MUC5AC: variants seen among roughly 807,000 people sequenced by gnomAD.
MUC5AC encodes mucin-5AC.
A neutral mutation model predicts 169.7 loss-of-function variants in MUC5AC; 158 were observed. The observed-to-expected ratio is 0.93, with a 90% CI of 0.82 to 1.06. The LOEUF (loss-of-function observed/expected upper bound fraction) is 1.06. Among genes scored for constraint, MUC5AC ranks in the 50% least tolerant of loss-of-function variants. The probability of loss-of-function intolerance (pLI) is 0.00; values close to 1 mark genes in which losing one functional copy is unlikely to be tolerated. For synonymous variants in MUC5AC, 1,975 were observed against 1,237.0 expected (o/e 1.60, Z -12.52); for missense variants, 4,359 against 3,089.9 (o/e 1.41, Z -9.74).
intron 15 of MUC5AC, among the ~76,000 whole-genome samples, chr11:1,169,869 C>T (rs1403846791): frequency 5.8e-4 from 75 of 129,862 alleles, no homozygotes; most frequent in Non-Finnish European, 7.6e-4. Context: ...CATTCACCCA[C>T]TCACCCACTC....
chr11:1,180,952 G>A (rs1408949887), intron 28 of MUC5AC, among the ~76,000 whole-genome samples, 187 bp from the exon 29 acceptor site: 1 of 152,140 alleles, frequency 6.6e-6, no homozygotes, highest in Non-Finnish European at 1.5e-5. Context: ...GGCTGACGCT[G>A]GAGAGACAAC....
chr11:1,196,023 C>T lies in MUC5AC; in HGVS notation c.15606C>T (p.Ile5202=), dbSNP rs1414593214. The change falls in exon 37 of 49, where the codon ATC becomes ATT. Residue 5202 remains isoleucine (I), a synonymous_variant. Coordinates refer to ENST00000621226, the MANE Select transcript of MUC5AC (RefSeq NM_001304359.2). ...TCTGTGCGTCCCACGACATCTGCATCGATTGGAGAGGCCGGACCGGCCACA... is the reference window on the plus strand; with the variant it reads ...TCTGTGCGTCCCACGACATCTGCATTGATTGGAGAGGCCGGACCGGCCACA... ...AALCASHDIC[I]DWRGRTGHMC... 6.5e-6 allele frequency: 5 copies of T among 764,846 alleles called. No homozygotes were observed. The highest frequency in any genetic ancestry group is 1.7e-5 in the Admixed American group (1 of 59,014). The allele number at this position is 764,846 out of a possible 1,614,324, so 47.4% of individuals were successfully genotyped here. A position where few individuals can be genotyped will look rare whatever the true frequency, so the allele number is the denominator to read the frequency against.
At chr11:1,179,916 G>A in intron 26 of MUC5AC, 106 bp from the exon 27 acceptor site, 1 of 397,710 alleles carries the variant, frequency 2.5e-6, no homozygotes, top group Admixed American at 4.4e-5. Flanking sequence ...TCTTGTGATG[G>A]CCGGGAGGTG....
At chr11:1,158,177 C>A in intron 1 of MUC5AC, 105 bp downstream of exon 1, 1 of 1,003,994 alleles carries the variant, frequency 1.0e-6, no homozygotes, top group African/African-American at 1.6e-5. Flanking sequence ...GCTGCATGTG[C>A]CATGAACGGC....
In MUC5AC at chr11:1,168,996, G is replaced by A. The variant is rs771147684; in HGVS notation, c.1840G>A (p.Glu614Lys). ...AACPNIRNSF[E>K]DPCSLSVENE... is the part of the protein sequence containing the mutation. ...CTGCCCCAACATCAGGAACAGCTTC[G>A]AGGACCCCTGCTCTCTGAGCGTGGA... The change falls in exon 15 of 49, where the codon GAG becomes AAG. Residue 614 changes from glutamate to lysine, a missense_variant. Coordinates refer to ENST00000621226, the MANE Select transcript of MUC5AC (RefSeq NM_001304359.2). 20 of 1,606,114 alleles carry A rather than the reference G, an allele frequency of 1.2e-5. No individual in the cohort carries two copies. Among genetic ancestry groups the A allele is most frequent in the East Asian group, 2.2e-5 (1 of 44,782 alleles).
chr11:1,168,814 C>A (rs1860408802), intron 14 of MUC5AC, 35 bp downstream of exon 14: 2 of 1,580,388 alleles, frequency 1.3e-6, no homozygotes, highest in South Asian at 1.1e-5. Flanking sequence ...GGAGCCCACC[C>A]ACTCTGGCCA....
chr11:1,195,628 C>T lies in MUC5AC; in HGVS notation c.15459-248C>T, dbSNP rs557059221. ...AGCTTCCAGGTTTGCAGGGCAGGGG[C>T]TGGGGGGGCCAGGAAGAAGAACTTG... is the stretch of plus-strand genomic sequence containing the variant. On this transcript the variant is annotated intron_variant, in intron 36 of 48. Transcript: ENST00000621226. Among the ~76,000 whole-genome samples, 353 of 140,432 alleles carry T rather than the reference C, an allele frequency of 2.5e-3. 1 individual carries two copies. The highest frequency in any genetic ancestry group is 9.3e-3 in the African/African-American group (325 of 34,958). 92.1% of individuals were successfully genotyped at this position (140,432 alleles called of 152,430 possible).
At position 1,195,090 on chromosome 11, in the gene MUC5AC, G is replaced by C. The variant is rs760982188; in HGVS notation, c.15269G>C (p.Gly5090Ala). Residue 5090 changes from glycine (G) to alanine (A), a missense_variant, in exon 36 of 49, where the codon GGC (glycine) becomes GCC (alanine). By Grantham distance (60) the Gly-to-Ala change is moderately conservative (BLOSUM62 0). Transcript: ENST00000621226. ...TVVASCSEMS[G>A]LWNVSIPDQP... ...GTCGCTTCCTGCTCCGAGATGTCCG[G>C]CCTCTGGAACGTGAGCATACCCGAC... 4 of 761,850 alleles carry C rather than the reference G, an allele frequency of 5.3e-6. No individual in the cohort carries two copies. Among genetic ancestry groups the C allele is most frequent in the Non-Finnish European group, 9.6e-6 (4 of 416,748 alleles). 47.2% of individuals were successfully genotyped at this position (761,850 alleles called of 1,614,324 possible). A position where few individuals can be genotyped will look rare whatever the true frequency, so the allele number is the denominator to read the frequency against.
Position 1,165,574 on chromosome 11 carries a change from C to T in MUC5AC, c.1248-48C>T, listed in dbSNP as rs56144338. On this transcript the variant is annotated intron_variant, in intron 10 of 48. Coordinates refer to ENST00000621226, the MANE Select transcript of MUC5AC (RefSeq NM_001304359.2). ...AGCCTCCTGACGCGGAGGCTGGAGG[C>T]TGGTCTCCTGGGGCCGGCACCCACG... The T allele has an allele frequency of 1.9e-3, 3,019 of 1,606,784 alleles. 46 individuals carry two copies. In the African/African-American group the frequency reaches 0.035, roughly 19 times the overall value.
At chr11:1,197,848 C>T in intron 41 of MUC5AC, 55 bp from the exon 42 acceptor site, 1 of 684,964 alleles carries the variant, frequency 1.5e-6, no homozygotes, top group Non-Finnish European at 2.7e-6. Context: ...AGGGGGTGGG[C>T]CTTCGGGTGG....
chr11:1,163,989 T>G lies in MUC5AC; in HGVS notation c.787T>G (p.Phe263Val). ...ACCCCCGAGGAACTGCTCCACTGGC[T>G]TTGTAAGCCTTGGAGGGAACAGAGG... ...PEPPRNCSTG[F>V]GICEELLHGQ... Residue 263 changes from phenylalanine (F) to valine (V), a missense_variant and splice_region_variant, in exon 7 of 49, where the codon TTT becomes GTT. Coordinates refer to ENST00000621226, the MANE Select transcript of MUC5AC (RefSeq NM_001304359.2). 3 of 1,610,320 alleles carry G rather than the reference T, an allele frequency of 1.9e-6. No individual in the cohort carries two copies. Among genetic ancestry groups the G allele is most frequent in the Non-Finnish European group, 2.5e-6 (3 of 1,178,834 alleles).
chr11:1,195,902 TC>T lies in MUC5AC; in HGVS notation c.15491del (p.Pro5164HisfsTer15). The part of the protein sequence containing the change: ...SKVFEPCHTV[I>X]PPLLFYEGCV... ...GTCTTTGAGCCGTGCCACACTGTGA[TC>T]CCCCCACTGCTGTTCTATGAGGGCT... is the stretch of plus-strand genomic sequence containing the variant. On this transcript the variant is annotated frameshift_variant, in exon 37 of 49. Transcript: ENST00000621226. LOFTEE classifies it high-confidence loss of function. 1 of 764,472 alleles carries T rather than the reference TC, an allele frequency of 1.3e-6. No homozygotes were observed. The highest frequency in any genetic ancestry group is 1.3e-5 in the South Asian group (1 of 74,606). 47.4% of individuals were successfully genotyped at this position (764,472 alleles called of 1,614,324 possible). A position where few individuals can be genotyped will look rare whatever the true frequency, so the allele number is the denominator to read the frequency against.
intron 26 of MUC5AC, 36 bp downstream of exon 26, chr11:1,179,284 G>GCT: frequency 2.0e-6 from 1 of 506,182 alleles, no homozygotes; most frequent in East Asian, 3.1e-5. Flanking sequence ...AGAACAGGAA[G>GCT]CGCCGGCAGC....
chr11:1,180,527 TG>T lies in MUC5AC; in HGVS notation c.3776+17del. ...GAACTGCCAGTCCTGGTGAGTCCTT[TG>T]GGGGGAGGAATATGGAGCCTGCAGC... On this transcript the variant is annotated intron_variant, in intron 28 of 48. Coordinates refer to ENST00000621226, the MANE Select transcript of MUC5AC (RefSeq NM_001304359.2). 3 of 398,648 alleles carry T rather than the reference TG, an allele frequency of 7.5e-6. No individual in the cohort carries two copies. Among genetic ancestry groups the T allele is most frequent in the Non-Finnish European group, 1.3e-5 (3 of 226,116 alleles). 24.7% of individuals were successfully genotyped at this position (398,648 alleles called of 1,614,324 possible). A position where few individuals can be genotyped will look rare whatever the true frequency, so the allele number is the denominator to read the frequency against.
At position 1,198,912 on chromosome 11, in the gene MUC5AC, C is replaced by T; in HGVS notation, c.16212C>T (p.Cys5404=). The T allele has an allele frequency of 1.3e-6, 1 of 759,094 alleles. No homozygotes were observed. Among genetic ancestry groups the T allele is most frequent in the Non-Finnish European group, 2.4e-6 (1 of 415,488 alleles). 47.0% of individuals were successfully genotyped at this position (759,094 alleles called of 1,614,324 possible). ...AVVSSSLCET[C]RCELPGGPPS... is the part of the protein sequence containing the mutation. ...TCTCCTCGAGCCTGTGCGAAACCTG[C>T]AGGTGTGAGCTGCCGGGTGGCCCCC... The change falls in exon 44 of 49, where the codon TGC becomes TGT. Residue 5404 remains cysteine, a synonymous_variant. Transcript: ENST00000621226.
chr11:1,186,973 T>A lies in MUC5AC; in HGVS notation c.8828T>A (p.Val2943Asp). ...ISVPTTSTTS[V>D]PGTTPSPVPT... Reference sequence around the variant, plus strand: ...GTTCCTACAACCAGCACAACTTCTGTTCCTGGAACTACTCCCAGCCCTGTT... The same window carrying A: ...GTTCCTACAACCAGCACAACTTCTGATCCTGGAACTACTCCCAGCCCTGTT... The change falls in exon 31 of 49, where the codon GTT becomes GAT. Residue 2943 changes from valine to aspartate, a missense_variant. Transcript: ENST00000621226. 1.2e-5 allele frequency: 9 copies of A among 720,428 alleles called. No individual in the cohort carries two copies. The highest frequency in any genetic ancestry group is 1.8e-5 in the Non-Finnish European group (7 of 398,930). The allele number at this position is 720,428 out of a possible 1,614,324, so 44.6% of individuals were successfully genotyped here.
At chr11:1,162,320 G>C (rs1288539957) in intron 4 of MUC5AC, among the ~76,000 whole-genome samples, 152 bp downstream of exon 4, 4 of 152,152 alleles carry the variant, frequency 2.6e-5, no homozygotes, top group South Asian at 2.1e-4. Flanking sequence ...CGTCCCCCGA[G>C]TGGCCCACCT....
At position 1,195,266 on chromosome 11, in the gene MUC5AC, C is replaced by T; in HGVS notation, c.15445C>T (p.Leu5149=). Reference sequence around the variant, plus strand: ...GTGCCTGCCATCACCCATCTGCCAGCTGATTCTGAGCAAGTGAGACTTGGG... The same window carrying T: ...GTGCCTGCCATCACCCATCTGCCAGTTGATTCTGAGCAAGTGAGACTTGGG... ...APCLPSPICQ[L]ILSKVFEPCH... The change falls in exon 36 of 49, where the codon CTG becomes TTG. Residue 5149 remains leucine, a synonymous_variant. Transcript: ENST00000621226. 1.3e-6 allele frequency: 1 copy of T among 760,984 alleles called. No homozygotes were observed. The allele number at this position is 760,984 out of a possible 1,614,324, so 47.1% of individuals were successfully genotyped here.
rs1170349671 is a variant in MUC5AC at position 1,192,083 on chromosome 11, C to T, written c.13938C>T (p.Pro4646=). Residue 4646 remains proline, a synonymous_variant, in exon 31 of 49, where the codon CCC becomes CCT. Transcript: ENST00000621226. ...ACGTGGACTTCCCATCCCCTGGACCCCACGGCGGGGACAAGGAAACCTACA... is the reference window on the plus strand; with the variant it reads ...ACGTGGACTTCCCATCCCCTGGACCTCACGGCGGGGACAAGGAAACCTACA... The part of the protein sequence containing the change: ...WFDVDFPSPG[P]HGGDKETYNN... The T allele has an allele frequency of 5.2e-6, 4 of 765,102 alleles. No individual in the cohort carries two copies. Among genetic ancestry groups the T allele is most frequent in the Non-Finnish European group, 7.2e-6 (3 of 417,884 alleles). 47.4% of individuals were successfully genotyped at this position (765,102 alleles called of 1,614,324 possible). A position where few individuals can be genotyped will look rare whatever the true frequency, so the allele number is the denominator to read the frequency against.
Sources: allele counts gnomAD v4.1 joint callset (sites outside exome capture counted in the v4.1 genomes callset), GRCh38; gene constraint gnomAD v4.1.1; transcripts MANE v1.5; gene names NCBI Gene and HGNC (gene_info 2026-07-23, HGNC 2026-07-21).